C14orf180: variants seen among roughly 807,000 people sequenced by gnomAD.
C14orf180 encodes the protein chromosome 14 open reading frame 180, also known as nutritionally-regulated adipose and cardiac enriched protein homolog.
A neutral mutation model predicts 13.9 loss-of-function variants in C14orf180; 13 were observed. The observed-to-expected ratio is 0.94, with a 90% CI of 0.61 to 1.49. The LOEUF (loss-of-function observed/expected upper bound fraction) is 1.49, where lower values mean the gene tolerates loss of function less well. C14orf180 is among the 40% of genes most tolerant of loss of function. C14orf180 has a pLI of 0.00. For missense variants in C14orf180, 238 were observed against 232.0 expected (o/e 1.03, Z -0.17); for synonymous variants, 113 against 106.3 (o/e 1.06, Z -0.39).
Position 104,582,174 on chromosome 14 carries a change from G to A in C14orf180, c.-17+2171G>A, listed in dbSNP as rs569590625. Among the ~76,000 whole-genome samples the A allele has an allele frequency of 5.3e-5, 8 of 152,314 alleles. No individual in the cohort carries two copies. The East Asian group carries it at 1.5e-3, about 29-fold the overall frequency. ...GGGCGGGCGGCACGGGCCAGGCAGAGGCAGCAGCCTGGGAGGAGGCGGGAA... is the reference window on the plus strand; with the variant it reads ...GGGCGGGCGGCACGGGCCAGGCAGAAGCAGCAGCCTGGGAGGAGGCGGGAA... On this transcript the variant is annotated intron_variant, in intron 1 of 4. Coordinates refer to ENST00000557649, the MANE Select transcript of C14orf180 (RefSeq NM_001008404.3).
At position 104,588,776 on chromosome 14, in the gene C14orf180, G is replaced by A. The variant is rs781004458; in HGVS notation, c.476G>A (p.Arg159Gln). The change falls in exon 5 of 5, where the codon CGG becomes CAG. Residue 159 changes from arginine to glutamine, a missense_variant. By Grantham distance (43) the Arg-to-Gln change is conservative. Transcript: ENST00000557649. ...CTCACCTGCTGGCGCGGCCTCCTGC[G>A]GCTCTGACGGGCAGGACGGGCAGGA... ...VALTCWRGLLRL is the reference protein window; with the variant it reads ...VALTCWRGLLQL 50 of 1,498,590 alleles carry A rather than the reference G, an allele frequency of 3.3e-5. No individual in the cohort carries two copies. Among genetic ancestry groups the A allele is most frequent in the African/African-American group, 9.2e-5 (5 of 54,260 alleles). 92.8% of individuals were successfully genotyped at this position (1,498,590 alleles called of 1,614,324 possible).
intron 1 of C14orf180, among the ~76,000 whole-genome samples, chr14:104,586,117 T>G (rs1008204862): frequency 6.6e-6 from 1 of 152,258 alleles, no homozygotes; most frequent in Non-Finnish European, 1.5e-5. Flanking sequence ...CGAGGGTGAC[T>G]TTCAGTGACG....
rs947701146 is a variant in C14orf180 at position 104,589,215 on chromosome 14, A to C, written c.*432A>C. ...GGGGCTGCTCGGAGGAGGCAAACCCAGCCTTTTGCGATTATGGCTTGTGGG... is the reference window on the plus strand; with the variant it reads ...GGGGCTGCTCGGAGGAGGCAAACCCCGCCTTTTGCGATTATGGCTTGTGGG... On this transcript the variant is annotated 3_prime_UTR_variant, in exon 5 of 5. Transcript: ENST00000557649. The surrounding 1 kb of genome is among the most constrained non-coding windows in gnomAD (Gnocchi z 4.9). The C allele has an allele frequency of 3.0e-5, 9 of 297,502 alleles. No individual in the cohort carries two copies. Among genetic ancestry groups the C allele is most frequent in the Admixed American group, 1.6e-4 (3 of 19,260 alleles). The allele number at this position is 297,502 out of a possible 1,614,324, so 18.4% of individuals were successfully genotyped here.
intron 2 of C14orf180, 61 bp from the exon 3 acceptor site, chr14:104,587,688 A>C: frequency 6.3e-7 from 1 of 1,588,082 alleles, no homozygotes; most frequent in South Asian, 1.1e-5. Context: ...CATGGCTCAG[A>C]CCTGGGTACC....
chr14:104,583,744 A>T (rs1031944750), intron 1 of C14orf180, among the ~76,000 whole-genome samples: 2 of 152,048 alleles, frequency 1.3e-5, no homozygotes, highest in Non-Finnish European at 2.9e-5. Flanking sequence ...TCACAAACAC[A>T]CTGCCTACGC....
At chr14:104,586,882 G>C (rs943127477) in intron 2 of C14orf180, among the ~76,000 whole-genome samples, 1 of 152,162 alleles carries the variant, frequency 6.6e-6, no homozygotes, top group African/African-American at 2.4e-5. Flanking sequence ...GTCACCAAGG[G>C]TCAGTGTTAG....
chr14:104,590,202 C>T lies in C14orf180; in HGVS notation c.*1419C>T, dbSNP rs1391917921. 1.3e-5 allele frequency: 2 copies of T among 152,242 alleles called. No individual in the cohort carries two copies. Among genetic ancestry groups the T allele is most frequent in the Non-Finnish European group, 2.9e-5 (2 of 68,054 alleles). 9.4% of individuals were successfully genotyped at this position (152,242 alleles called of 1,614,324 possible). ...GGCCCAGAAGGGACCATGGTGGGGG[C>T]TCCCCCGGGGACCCTCCAGCATCTC... On this transcript the variant is annotated 3_prime_UTR_variant, in exon 5 of 5. Transcript: ENST00000557649.
At chr14:104,580,563 C>T (rs1039397848) in intron 1 of C14orf180, among the ~76,000 whole-genome samples, 2 of 152,186 alleles carry the variant, frequency 1.3e-5, no homozygotes, top group Non-Finnish European at 2.9e-5. Context: ...GGGCATCCTC[C>T]GAGGGCAAGT....
rs916217831 is a variant in C14orf180 at position 104,587,821 on chromosome 14, C to T, written c.184C>T (p.Pro62Ser). Residue 62 changes from proline to serine, a missense_variant, in exon 3 of 5, where the codon CCC becomes TCC. Pro to Ser is a moderately conservative substitution (Grantham distance 74, BLOSUM62 -1). Coordinates refer to ENST00000557649, the MANE Select transcript of C14orf180 (RefSeq NM_001008404.3). ...RPEHHRPEAK[P>S]QRTSRRVWFR... ...GGAGCACCACCGCCCAGAGGCCAAG[C>T]CCCAGAGGACCTCGAGGCGCGTGTG... 5 of 1,612,190 alleles carry T rather than the reference C, an allele frequency of 3.1e-6. No homozygotes were observed. The highest frequency in any genetic ancestry group is 3.4e-6 in the Non-Finnish European group (4 of 1,179,442).
intron 1 of C14orf180, among the ~76,000 whole-genome samples, chr14:104,581,938 C>T (rs1419759108): frequency 6.6e-6 from 1 of 151,348 alleles, no homozygotes; most frequent in African/African-American, 2.4e-5. Flanking sequence ...AGTGTGGGGC[C>T]GCACGCTCAG....
Position 104,588,604 on chromosome 14 carries a change from G to T in C14orf180, c.304G>T (p.Gly102Cys), listed in dbSNP as rs370582866. ...RVPGRPRPHG[G>C]SLLLQLCVCV... ...GCCCGGCCGGCCCAGGCCACACGGC[G>T]GCTCCCTGCTCCTGCAGCTGTGTGT... The change falls in exon 5 of 5, where the codon GGC becomes TGC. Residue 102 changes from glycine to cysteine, a missense_variant. Transcript: ENST00000557649. 6.8e-7 allele frequency: 1 copy of T among 1,475,168 alleles called. No homozygotes were observed. Among genetic ancestry groups the T allele is most frequent in the South Asian group, 1.3e-5 (1 of 74,112 alleles). 91.4% of individuals were successfully genotyped at this position (1,475,168 alleles called of 1,614,324 possible). A position where few individuals can be genotyped will look rare whatever the true frequency, so the allele number is the denominator to read the frequency against.
chr14:104,586,554 G>A lies in C14orf180; in HGVS notation c.111+13G>A, dbSNP rs1391219292. On this transcript the variant is annotated intron_variant, in intron 2 of 4. Coordinates refer to ENST00000557649, the MANE Select transcript of C14orf180 (RefSeq NM_001008404.3). ...CAGGGCAGAGAGGGTAAGGCGGGCC[G>A]CTGGGACACAGCTTCTGCAAGCTGG... The A allele has an allele frequency of 1.4e-5, 21 of 1,483,574 alleles. No homozygotes were observed. Among genetic ancestry groups the A allele is most frequent in the East Asian group, 1.0e-4 (4 of 38,362 alleles). 91.9% of individuals were successfully genotyped at this position (1,483,574 alleles called of 1,614,324 possible). A position where few individuals can be genotyped will look rare whatever the true frequency, so the allele number is the denominator to read the frequency against.
Position 104,588,983 on chromosome 14 carries a change from C to T in C14orf180, c.*200C>T, listed in dbSNP as rs1256906652. On this transcript the variant is annotated 3_prime_UTR_variant, in exon 5 of 5. Transcript: ENST00000557649. Reference sequence around the variant, plus strand: ...GGGCACAGCAGGCGGCCCCGCCACACTAGTCAGCACAGCCCTCCTGTCTCC... The same window carrying T: ...GGGCACAGCAGGCGGCCCCGCCACATTAGTCAGCACAGCCCTCCTGTCTCC... 2 of 1,101,216 alleles carry T rather than the reference C, an allele frequency of 1.8e-6. No individual in the cohort carries two copies. The highest frequency in any genetic ancestry group is 5.4e-5 in the East Asian group (2 of 37,156). 68.2% of individuals were successfully genotyped at this position (1,101,216 alleles called of 1,614,324 possible). A position where few individuals can be genotyped will look rare whatever the true frequency, so the allele number is the denominator to read the frequency against.
intron 1 of C14orf180, among the ~76,000 whole-genome samples, chr14:104,580,215 G>A (rs553829969): frequency 6.6e-6 from 1 of 152,230 alleles, no homozygotes; most frequent in Admixed American, 6.5e-5. Context: ...GCAGAGACTG[G>A]GCAGAGCACA....
At chr14:104,587,968 A>G (rs981860147) in intron 3 of C14orf180, 90 bp downstream of exon 3, 42 of 1,463,764 alleles carry the variant, frequency 2.9e-5, no homozygotes, top group Non-Finnish European at 3.8e-5. Flanking sequence ...CAGCTCTGGC[A>G]GGGCCCAGGA....
At chr14:104,580,379 G>GC in intron 1 of C14orf180, among the ~76,000 whole-genome samples, 1 of 152,210 alleles carries the variant, frequency 6.6e-6, no homozygotes, top group Non-Finnish European at 1.5e-5. Flanking sequence ...AGGGAACACG[G>GC]CCACTTCAAA....
chr14:104,589,087 A>C lies in C14orf180; in HGVS notation c.*304A>C. On this transcript the variant is annotated 3_prime_UTR_variant, in exon 5 of 5. Coordinates refer to ENST00000557649, the MANE Select transcript of C14orf180 (RefSeq NM_001008404.3). The surrounding 1 kb of genome is among the most constrained non-coding windows in gnomAD (Gnocchi z 4.9). ...TGAGGCTCCCCAGGCTCACCCAAAG[A>C]CCCCTCCCTCGTCCCAGCAGGAACT... 7 of 519,072 alleles carry C rather than the reference A, an allele frequency of 1.3e-5. No individual in the cohort carries two copies. The highest frequency in any genetic ancestry group is 3.4e-5 in the East Asian group (1 of 29,842). The allele number at this position is 519,072 out of a possible 1,614,324, so 32.2% of individuals were successfully genotyped here. A position where few individuals can be genotyped will look rare whatever the true frequency, so the allele number is the denominator to read the frequency against.
intron 1 of C14orf180, among the ~76,000 whole-genome samples, chr14:104,584,339 G>C (rs1886541902): frequency 6.6e-6 from 1 of 152,188 alleles, no homozygotes; most frequent in South Asian, 2.1e-4. Context: ...CTTCCGCCGG[G>C]CAGTGGGAGA....
chr14:104,582,518 A>T lies in C14orf180; in HGVS notation c.-17+2515A>T, dbSNP rs1170402926. Among the ~76,000 whole-genome samples the T allele has an allele frequency of 2.0e-5, 3 of 152,212 alleles. No individual in the cohort carries two copies. The East Asian group carries it at 5.8e-4, about 29-fold the overall frequency. On this transcript the variant is annotated intron_variant, in intron 1 of 4. Transcript: ENST00000557649. ...CTCAGCCCTCATGGCCCCACCTCCCACCAGCAGTACGGGCTGGTCATGCCC... is the reference window on the plus strand; with the variant it reads ...CTCAGCCCTCATGGCCCCACCTCCCTCCAGCAGTACGGGCTGGTCATGCCC...
Sources: gnomAD v4.1 joint callset for allele counts (sites outside exome capture counted in the v4.1 genomes callset) on GRCh38, gnomAD v4.1.1 for gene constraint, Gnocchi (gnomAD v3.1) non-coding constraint, MANE v1.5 for transcripts, NCBI Gene and HGNC (gene_info 2026-07-23, HGNC 2026-07-21) for gene names.